Variants in DLG2 observed in about 807,000 individuals in gnomAD.
The protein encoded by DLG2 is discs large MAGUK scaffold protein 2, also known as disks large homolog 2.
A neutral mutation model predicts 132.5 loss-of-function variants in DLG2; 45 were observed. That is an observed-to-expected ratio of 0.34 (90% CI 0.27 to 0.44). The LOEUF is 0.44. Among genes scored for constraint, DLG2 ranks in the 20% least tolerant of loss-of-function variants. DLG2 has a pLI of 1.00. For synonymous variants in DLG2, 424 were observed against 419.6 expected (o/e 1.01, Z -0.13); for missense variants, 1,045 against 1,196.9 (o/e 0.87, Z 1.87).
chr11:85,301,560 G>A (rs2079587029), intron 3 of DLG2, among the ~76,000 whole-genome samples: 1 of 152,130 alleles, frequency 6.6e-6, no homozygotes, highest in African/African-American at 2.4e-5. Context: ...AGAACTGTGA[G>A]GGGGCTGAAA....
intron 7 of DLG2, among the ~76,000 whole-genome samples, chr11:84,288,220 T>G (rs1158230067): frequency 6.6e-6 from 1 of 152,044 alleles, no homozygotes; most frequent in Non-Finnish European, 1.5e-5. Flanking sequence ...TAATTAATAA[T>G]AATATTAATC....
At chr11:83,549,399 G>A (rs1460870274) in intron 19 of DLG2, among the ~76,000 whole-genome samples, 3 of 152,132 alleles carry the variant, frequency 2.0e-5, no homozygotes, top group Non-Finnish European at 4.4e-5. Flanking sequence ...ATAAAATGAG[G>A]TTTGTCATTC....
chr11:83,455,038 A>C (rs1483798046), downstream of DLG2: 1 of 152,694 alleles, frequency 6.5e-6, no homozygotes, highest in Non-Finnish European at 1.5e-5. Context: ...AAATGTTTTA[A>C]TATTTATATC....
intron 15 of DLG2, among the ~76,000 whole-genome samples, chr11:83,881,485 A>G (rs1025941922): frequency 1.3e-5 from 2 of 152,078 alleles, no homozygotes; most frequent in Non-Finnish European, 2.9e-5. Context: ...ATAGAATTTC[A>G]CTATTTCATC....
chr11:84,947,987 T>C (rs1310634920), intron 6 of DLG2, among the ~76,000 whole-genome samples: 1 of 152,226 alleles, frequency 6.6e-6, no homozygotes, highest in Non-Finnish European at 1.5e-5. Flanking sequence ...GTTAGGTAGC[T>C]AACTTCCTCT....
chr11:84,434,823 G>A (rs1036877127), intron 7 of DLG2, among the ~76,000 whole-genome samples: 5 of 148,964 alleles, frequency 3.4e-5, no homozygotes, highest in Admixed American at 6.8e-5. Flanking sequence ...CCCCAACCTT[G>A]AGGAAAATAC....
chr11:84,209,152 C>T (rs928651854), intron 8 of DLG2, among the ~76,000 whole-genome samples: 2 of 152,180 alleles, frequency 1.3e-5, no homozygotes. Context: ...TACACATCAC[C>T]TCATGTGATG....
intron 15 of DLG2, among the ~76,000 whole-genome samples, chr11:83,929,052 ATTAG>A (rs970212614): frequency 3.1e-4 from 47 of 150,272 alleles, no homozygotes; most frequent in South Asian, 1.5e-3. Context: ...ATTCTGAAAT[ATTAG>A]TTAGACTTTA....
intron 8 of DLG2, among the ~76,000 whole-genome samples, chr11:84,237,079 C>A (rs1297821668): frequency 6.6e-6 from 1 of 152,040 alleles, no homozygotes; most frequent in Non-Finnish European, 1.5e-5. Flanking sequence ...CAGGCGCGTG[C>A]CACCACCCCC....
At chr11:83,481,163 GT>G (rs558100501) in intron 22 of DLG2, among the ~76,000 whole-genome samples, 1 of 151,788 alleles carries the variant, frequency 6.6e-6, no homozygotes, top group South Asian at 2.1e-4. Flanking sequence ...GCTGAAGTAT[GT>G]TTTTTTTAAA....
chr11:83,620,272 GT>G (rs199659205), intron 19 of DLG2, among the ~76,000 whole-genome samples: 2 of 151,710 alleles, frequency 1.3e-5, no homozygotes, highest in Admixed American at 6.6e-5. Flanking sequence ...AAAAAAATCT[GT>G]TTTTTTAAAC....
At chr11:84,052,195 A>G (rs1372713504) in intron 11 of DLG2, among the ~76,000 whole-genome samples, 1 of 152,002 alleles carries the variant, frequency 6.6e-6, no homozygotes, top group Non-Finnish European at 1.5e-5. Context: ...ATCATAACTC[A>G]AACCTGTTAG....
At chr11:85,224,030 T>G (rs951729) in intron 4 of DLG2, among the ~76,000 whole-genome samples, 127,385 of 152,078 alleles carry the variant, frequency 0.84, 53,815 homozygotes, top group Non-Finnish European at 0.91. Context: ...TACCTTAGTT[T>G]TTACATCTTC....
intron 4 of DLG2, among the ~76,000 whole-genome samples, chr11:85,173,004 C>T (rs2078984437): frequency 1.3e-5 from 2 of 152,050 alleles, no homozygotes; most frequent in Non-Finnish European, 2.9e-5. Flanking sequence ...GATTGGGGTA[C>T]CTGAAAGAGA....
intron 6 of DLG2, among the ~76,000 whole-genome samples, chr11:84,718,337 T>C (rs2061446382): frequency 6.6e-6 from 1 of 152,048 alleles, no homozygotes; most frequent in Non-Finnish European, 1.5e-5. Context: ...TTGACATGAA[T>C]CTCTCTCATA....
intron 3 of DLG2, among the ~76,000 whole-genome samples, chr11:85,511,390 A>T (rs2094065326): frequency 6.6e-6 from 1 of 152,118 alleles, no homozygotes; most frequent in Non-Finnish European, 1.5e-5. Context: ...AAATTAAAAA[A>T]AGAAATATGT....
At chr11:84,127,045 G>A (rs951450745) in intron 9 of DLG2, among the ~76,000 whole-genome samples, 8 of 152,140 alleles carry the variant, frequency 5.3e-5, no homozygotes, top group African/African-American at 1.2e-4. Context: ...TGCCATATTC[G>A]TCAAGCTAGC....
chr11:85,101,974 A>C (rs2070921028), intron 6 of DLG2, among the ~76,000 whole-genome samples: 1 of 152,060 alleles, frequency 6.6e-6, no homozygotes, highest in Admixed American at 6.6e-5. Flanking sequence ...CAGTTCCAAC[A>C]GTACTGTGAA....
chr11:83,759,315 C>A (rs1449292475), intron 18 of DLG2, among the ~76,000 whole-genome samples: 1 of 152,174 alleles, frequency 6.6e-6, no homozygotes, highest in Non-Finnish European at 1.5e-5. Context: ...GCAGAGGGCA[C>A]ATTCCAAATC....
Sources: allele counts gnomAD v4.1 joint callset (sites outside exome capture counted in the v4.1 genomes callset), GRCh38; gene constraint gnomAD v4.1.1; transcripts MANE v1.5; gene names NCBI Gene and HGNC (gene_info 2026-07-23, HGNC 2026-07-21).